The following TICRR variants were observed in gnomAD, a reference collection of about 807,000 sequenced individuals.
TICRR encodes TOPBP1 interacting checkpoint and replication regulator.
Under a neutral mutation model 178.1 loss-of-function variants are expected in TICRR, and 132 were observed. The observed-to-expected ratio is 0.74, with a 90% confidence interval of 0.64 to 0.86. The LOEUF (loss-of-function observed/expected upper bound fraction) is 0.86, where lower values mean the gene tolerates loss of function less well. Ranked by LOEUF, TICRR falls within the 40% of genes least tolerant of loss-of-function variation. The pLI is 0.00. For synonymous variants in TICRR, 991 were observed against 900.7 expected (o/e 1.10, Z -1.79); for missense variants, 2,587 against 2,334.3 (o/e 1.11, Z -2.23).
chr15:89,626,526 A>G (rs1012564007), intron 21 of TICRR, among the ~76,000 whole-genome samples: 3 of 152,042 alleles, frequency 2.0e-5, no homozygotes, highest in African/African-American at 7.2e-5. Context: ...CCCAAAAGAC[A>G]AGGATTTGGC....
intron 15 of TICRR, among the ~76,000 whole-genome samples, chr15:89,615,737 TTAA>T (rs1275798253): frequency 3.3e-5 from 5 of 152,198 alleles, no homozygotes; most frequent in East Asian, 3.8e-4. Context: ...TACGTTTATC[TTAA>T]TAATTAACAT....
At chr15:89,581,091 T>C (rs1436828969) in intron 1 of TICRR, among the ~76,000 whole-genome samples, 1 of 152,236 alleles carries the variant, frequency 6.6e-6, no homozygotes, top group East Asian at 1.9e-4. Flanking sequence ...GTTCTTGGAC[T>C]TGTCTATCAT....
intron 17 of TICRR, among the ~76,000 whole-genome samples, chr15:89,618,864 T>C (rs1963377762): frequency 6.6e-6 from 1 of 152,216 alleles, no homozygotes; most frequent in Admixed American, 6.5e-5. Flanking sequence ...GAGGCTGAGG[T>C]GAGAGGATCT....
chr15:89,576,590 C>T (rs1241193009), intron 1 of TICRR, among the ~76,000 whole-genome samples: 1 of 152,034 alleles, frequency 6.6e-6, no homozygotes, highest in Non-Finnish European at 1.5e-5. Flanking sequence ...AATGCCAGTT[C>T]TCACTCTTCC....
At chr15:89,583,589 ACCT>A (rs749958014) in intron 2 of TICRR, among the ~76,000 whole-genome samples, 10 of 152,310 alleles carry the variant, frequency 6.6e-5, no homozygotes, top group South Asian at 4.1e-4. Context: ...TTAGAATTTA[ACCT>A]CCTCATAAGA....
chr15:89,588,195 C>A (rs1215292070), intron 4 of TICRR, among the ~76,000 whole-genome samples: 1 of 151,994 alleles, frequency 6.6e-6, no homozygotes, highest in Non-Finnish European at 1.5e-5. Context: ...TAAGGAGATG[C>A]TGGAGGCTGA....
In TICRR at chr15:89,625,383, G is replaced by A. The variant is rs778894143; in HGVS notation, c.5073G>A (p.Ala1691=). ...IIKDWPRRKR[A]VGCGAGSSSG... ...AAGACTGGCCCAGGAGGAAGAGGGC[G>A]GTGGGCTGTGGCGCCGGCTCCTCTT... is the stretch of plus-strand genomic sequence containing the variant. The change falls in exon 20 of 22, where the codon GCG becomes GCA. Residue 1691 remains alanine, a synonymous_variant. Transcript: ENST00000268138. 98 of 1,613,832 alleles carry A rather than the reference G, an allele frequency of 6.1e-5. No individual in the cohort carries two copies. The East Asian group carries it at 1.1e-3, about 18-fold the overall frequency.
intron 16 of TICRR, among the ~76,000 whole-genome samples, chr15:89,617,213 C>T (rs117885682): frequency 0.031 from 4,735 of 152,224 alleles, 122 homozygotes; most frequent in Middle Eastern, 0.075. Flanking sequence ...ACACCTCCTT[C>T]TATTTTGTCA....
intron 5 of TICRR, among the ~76,000 whole-genome samples, chr15:89,593,030 G>A (rs1221124332): frequency 6.6e-6 from 1 of 152,184 alleles, no homozygotes; most frequent in Non-Finnish European, 1.5e-5. Context: ...TATAGCACCA[G>A]TCACTAAATC....
At chr15:89,619,613 TG>T in intron 17 of TICRR, 94 bp from the exon 18 acceptor site, 1 of 1,296,028 alleles carries the variant, frequency 7.7e-7, no homozygotes, top group Non-Finnish European at 1.1e-6. Flanking sequence ...ATCTTATATG[TG>T]GTACTATGTA....
chr15:89,584,391 C>T lies in TICRR; in HGVS notation c.1040C>T (p.Ala347Val). 6.2e-7 allele frequency: 1 copy of T among 1,614,136 alleles called. No homozygotes were observed. The highest frequency in any genetic ancestry group is 8.5e-7 in the Non-Finnish European group (1 of 1,180,020). Residue 347 changes from alanine (A) to valine (V), a missense_variant, in exon 3 of 22, where the codon GCC becomes GTC. Physicochemically the swap from Ala to Val is moderately conservative, Grantham distance 64. Transcript: ENST00000268138. ...AGAATTTTTCTAAAAGGCTCAGTGG[C>T]CCAGTGGTCTCTCCCAACGAGCAGC... Reference protein sequence around the residue: ...PVRIFLKGSVAQWSLPTSSTL... With the variant: ...PVRIFLKGSVVQWSLPTSSTL...
chr15:89,598,973 T>A (rs1963046895), intron 7 of TICRR, among the ~76,000 whole-genome samples: 1 of 152,174 alleles, frequency 6.6e-6, no homozygotes, highest in African/African-American at 2.4e-5. Flanking sequence ...ATTGTGCCAC[T>A]GCACTCCAGC....
chr15:89,608,111 C>G (rs1963201348), intron 14 of TICRR, among the ~76,000 whole-genome samples: 1 of 152,140 alleles, frequency 6.6e-6, no homozygotes, highest in Non-Finnish European at 1.5e-5. Context: ...CATCCTCTTA[C>G]TTAAGAATTA....
Position 89,576,120 on chromosome 15 carries a change from C to T in TICRR, c.534C>T (p.Ala178=), listed in dbSNP as rs374324640. The T allele has an allele frequency of 3.9e-5, 63 of 1,610,400 alleles. No homozygotes were observed. The African/African-American group carries it at 7.1e-4, about 18-fold the overall frequency. The change falls in exon 1 of 22, where the codon GCC becomes GCT. Residue 178 remains alanine (A), a synonymous_variant. Transcript: ENST00000268138. Reference sequence around the variant, plus strand: ...TCGTGTCTGGGTGCGAGGCCCAGGCCCAGCGCCTGCCGCCCACCCCTAAGC... The same window carrying T: ...TCGTGTCTGGGTGCGAGGCCCAGGCTCAGCGCCTGCCGCCCACCCCTAAGC... ...LQFVSGCEAQ[A]QRLPPTPKQV...
At chr15:89,588,098 T>C (rs148087284) in intron 4 of TICRR, among the ~76,000 whole-genome samples, 138 of 152,178 alleles carry the variant, frequency 9.1e-4, no homozygotes, top group African/African-American at 2.8e-3. Flanking sequence ...GTGAGTGATG[T>C]TGGTGTGAGT....
At chr15:89,596,334 T>A (rs1962998178) in intron 7 of TICRR, among the ~76,000 whole-genome samples, 1 of 152,108 alleles carries the variant, frequency 6.6e-6, no homozygotes, top group South Asian at 2.1e-4. Flanking sequence ...TTTTCTGTTT[T>A]ATTCCTCTTT....
Position 89,624,269 on chromosome 15 carries a change from C to G in TICRR, c.3959C>G (p.Ser1320Cys), listed in dbSNP as rs1963473823. ...TTTACCTCTCCTTTATGTGATGTCT[C>G]CAAGAAGAGTCCATTTAGGAAATCT... The part of the protein sequence containing the change: ...KLFTSPLCDV[S>C]KKSPFRKSKI... Residue 1320 changes from serine (S) to cysteine (C), a missense_variant, in exon 20 of 22, where the codon TCC (serine) becomes TGC (cysteine). Transcript: ENST00000268138. 1.9e-6 allele frequency: 3 copies of G among 1,614,192 alleles called. No individual in the cohort carries two copies. The highest frequency in any genetic ancestry group is 1.3e-5 in the African/African-American group (1 of 75,042).
At position 89,584,537 on chromosome 15, in the gene TICRR, C is replaced by T. The variant is rs1404241214; in HGVS notation, c.1176+10C>T. On this transcript the variant is annotated intron_variant, in intron 3 of 21. Coordinates refer to ENST00000268138, the MANE Select transcript of TICRR (RefSeq NM_152259.4). ...TGAAGAGTTACACCTGGTAGGTATCCTCCACACGGGAAGTTATTCTTGTCT... is the reference window on the plus strand; with the variant it reads ...TGAAGAGTTACACCTGGTAGGTATCTTCCACACGGGAAGTTATTCTTGTCT... 6.5e-7 allele frequency: 1 copy of T among 1,535,008 alleles called. No homozygotes were observed. Among genetic ancestry groups the T allele is most frequent in the Admixed American group, 2.1e-5 (1 of 47,104 alleles).
rs1283185567 is a variant in TICRR, at chr15:89,624,387, A to T, written c.4077A>T (p.Ser1359=). The T allele has an allele frequency of 6.2e-7, 1 of 1,614,076 alleles. No homozygotes were observed. The highest frequency in any genetic ancestry group is 2.2e-5 in the East Asian group (1 of 44,868). The change falls in exon 20 of 22, where the codon TCA becomes TCT. Residue 1359 remains serine, a synonymous_variant. Transcript: ENST00000268138. The part of the protein sequence containing the change: ...VAASLSCPVP[S]TPPELSQRAT... ...CATCTCTCTCCTGCCCTGTTCCCTC[A>T]ACTCCCCCTGAACTCTCACAGAGAG... is the stretch of plus-strand genomic sequence containing the variant.
Sources: allele counts gnomAD v4.1 joint callset (sites outside exome capture counted in the v4.1 genomes callset), GRCh38; gene constraint gnomAD v4.1.1; transcripts MANE v1.5; gene names NCBI Gene and HGNC (gene_info 2026-07-23, HGNC 2026-07-21).